LDHAL6B: variants seen among roughly 807,000 people sequenced by gnomAD.
LDHAL6B encodes the protein L-lactate dehydrogenase A-like 6B.
For missense variants in LDHAL6B, 523 were observed against 473.9 expected (o/e 1.10, Z -0.96); for synonymous variants, 205 against 170.6 (o/e 1.20, Z -1.57).
In LDHAL6B at chr15:59,207,253, G is replaced by A; in HGVS notation, c.313G>A (p.Asp105Asn). The A allele has an allele frequency of 6.2e-7, 1 of 1,614,202 alleles. No individual in the cohort carries two copies. The highest frequency in any genetic ancestry group is 2.2e-5 in the East Asian group (1 of 44,884). Residue 105 changes from aspartate to asparagine, a missense_variant, in exon 1 of 1, where the codon GAC (aspartate) becomes AAC (asparagine). Coordinates refer to ENST00000307144, the MANE Select transcript of LDHAL6B (RefSeq NM_033195.3). ...DELALVDLDE[D>N]KLKGETMDLQ... ...ACTTGCCCTTGTGGATCTTGATGAA[G>A]ACAAACTGAAGGGTGAGACGATGGA...
At position 59,208,541 on chromosome 15, in the gene LDHAL6B, T is replaced by A. The variant is rs2079855579; in HGVS notation, c.*455T>A. 1.9e-6 allele frequency: 2 copies of A among 1,068,840 alleles called. No homozygotes were observed. Among genetic ancestry groups the A allele is most frequent in the African/African-American group, 1.6e-5 (1 of 63,174 alleles). The allele number at this position is 1,068,840 out of a possible 1,614,324, so 66.2% of individuals were successfully genotyped here. On this transcript the variant is annotated 3_prime_UTR_variant, in exon 1 of 1. Coordinates refer to ENST00000307144, the MANE Select transcript of LDHAL6B (RefSeq NM_033195.3). ...TGCAGTAGTATATACAATCTTTTGT[T>A]TTGCTTCCTTTGATAGTTAATAAAT...
chr15:59,208,363 T>C lies in LDHAL6B; in HGVS notation c.*277T>C, dbSNP rs1226473750. On this transcript the variant is annotated 3_prime_UTR_variant, in exon 1 of 1. Transcript: ENST00000307144. The stretch of plus-strand genomic sequence containing the variant: ...CATTTGGTTCCCAAAAAGTAGGATG[T>C]AGGTATTTATTGTGTTCTAGAAATT... 5 of 555,344 alleles carry C rather than the reference T, an allele frequency of 9.0e-6. No homozygotes were observed. Among genetic ancestry groups the C allele is most frequent in the Non-Finnish European group, 1.6e-5 (5 of 308,832 alleles). 34.4% of individuals were successfully genotyped at this position (555,344 alleles called of 1,614,324 possible). A position where few individuals can be genotyped will look rare whatever the true frequency, so the allele number is the denominator to read the frequency against.
chr15:59,208,002 G>C lies in LDHAL6B; in HGVS notation c.1062G>C (p.Lys354Asn), dbSNP rs2079851576. ...AGAACGGTATTACCAACCTTATAAAGATAAAGCTGACCCCTGAAGAAGAGG... is the reference window on the plus strand; with the variant it reads ...AGAACGGTATTACCAACCTTATAAACATAAAGCTGACCCCTGAAGAAGAGG... ...LGENGITNLI[K>N]IKLTPEEEAH... The change falls in exon 1 of 1, where the codon AAG becomes AAC. Residue 354 changes from lysine to asparagine, a missense_variant. By Grantham distance (94) the Lys-to-Asn change is moderately conservative. Coordinates refer to ENST00000307144, the MANE Select transcript of LDHAL6B (RefSeq NM_033195.3). 6.2e-7 allele frequency: 1 copy of C among 1,612,572 alleles called. No individual in the cohort carries two copies. The highest frequency in any genetic ancestry group is 8.5e-7 in the Non-Finnish European group (1 of 1,179,678).
rs1344740473 is a variant in LDHAL6B at position 59,207,201 on chromosome 15, C to G, written c.261C>G (p.Ser87Arg). The stretch of plus-strand genomic sequence containing the variant: ...CGGTGGGCATGGCCTGCGCTATCAG[C>G]ATCTTATTAAAAGGCTTGAGTGATG... ...TGSVGMACAI[S>R]ILLKGLSDEL... The change falls in exon 1 of 1, where the codon AGC becomes AGG. Residue 87 changes from serine to arginine, a missense_variant. By Grantham distance (110) the Ser-to-Arg change is moderately radical. Coordinates refer to ENST00000307144, the MANE Select transcript of LDHAL6B (RefSeq NM_033195.3). 3.1e-6 allele frequency: 5 copies of G among 1,614,226 alleles called. No individual in the cohort carries two copies. The highest frequency in any genetic ancestry group is 3.3e-5 in the Admixed American group (2 of 60,030).
At position 59,208,415 on chromosome 15, in the gene LDHAL6B, A is replaced by G; in HGVS notation, c.*329A>G. 1.7e-6 allele frequency: 1 copy of G among 577,350 alleles called. No homozygotes were observed. Among genetic ancestry groups the G allele is most frequent in the Non-Finnish European group, 3.1e-6 (1 of 319,520 alleles). 35.8% of individuals were successfully genotyped at this position (577,350 alleles called of 1,614,324 possible). ...CGACTCTTTTCATTAGATATATGCT[A>G]TTTCTTTCATTCTTGCTGGTTTATA... On this transcript the variant is annotated 3_prime_UTR_variant, in exon 1 of 1. Coordinates refer to ENST00000307144, the MANE Select transcript of LDHAL6B (RefSeq NM_033195.3).
Position 59,206,931 on chromosome 15 carries a change from G to A in LDHAL6B, c.-10G>A. 1 of 1,605,264 alleles carries A rather than the reference G, an allele frequency of 6.2e-7. No homozygotes were observed. The highest frequency in any genetic ancestry group is 8.5e-7 in the Non-Finnish European group (1 of 1,174,396). ...TCCATTCTCTCTCTCCACTTCTTCAGTGAGCAGCCATGAGTTGGACTGTGC... is the reference window on the plus strand; with the variant it reads ...TCCATTCTCTCTCTCCACTTCTTCAATGAGCAGCCATGAGTTGGACTGTGC... On this transcript the variant is annotated 5_prime_UTR_variant, in exon 1 of 1. In the 5' UTR this introduces an upstream ATG that the reference lacks. Coordinates refer to ENST00000307144, the MANE Select transcript of LDHAL6B (RefSeq NM_033195.3).
chr15:59,208,490 TAA>T lies in LDHAL6B; in HGVS notation c.*408_*409del. On this transcript the variant is annotated 3_prime_UTR_variant, in exon 1 of 1. Coordinates refer to ENST00000307144, the MANE Select transcript of LDHAL6B (RefSeq NM_033195.3). ...AAAAGTAGTAGCTTCTTCTACAATG[TAA>T]AAATAAATGTACATACAAAAAAATG... 1 of 685,194 alleles carries T rather than the reference TAA, an allele frequency of 1.5e-6. No homozygotes were observed. The highest frequency in any genetic ancestry group is 2.8e-5 in the Admixed American group (1 of 36,218). The allele number at this position is 685,194 out of a possible 1,614,324, so 42.4% of individuals were successfully genotyped here.
In LDHAL6B at chr15:59,208,134, C is replaced by T. The variant is rs118077450; in HGVS notation, c.*48C>T. 1,775 of 1,485,966 alleles carry T rather than the reference C, an allele frequency of 1.2e-3. 10 individuals carry two copies. In the Middle Eastern group the frequency reaches 0.024, roughly 20 times the overall value. 92.0% of individuals were successfully genotyped at this position (1,485,966 alleles called of 1,614,324 possible). ...GAAATTATTGAAGAGATCATAGATA[C>T]AGGATTATATAACGAAATTTTGAAT... On this transcript the variant is annotated 3_prime_UTR_variant, in exon 1 of 1. Coordinates refer to ENST00000307144, the MANE Select transcript of LDHAL6B (RefSeq NM_033195.3).
chr15:59,207,254 A>G lies in LDHAL6B; in HGVS notation c.314A>G (p.Asp105Gly). 1 of 1,614,218 alleles carries G rather than the reference A, an allele frequency of 6.2e-7. No individual in the cohort carries two copies. The highest frequency in any genetic ancestry group is 8.5e-7 in the Non-Finnish European group (1 of 1,180,036). ...DELALVDLDE[D>G]KLKGETMDLQ... ...CTTGCCCTTGTGGATCTTGATGAAG[A>G]CAAACTGAAGGGTGAGACGATGGAT... The change falls in exon 1 of 1, where the codon GAC becomes GGC. Residue 105 changes from aspartate (D) to glycine (G), a missense_variant. Physicochemically the swap from Asp to Gly is moderately conservative, Grantham distance 94. Transcript: ENST00000307144.
Position 59,207,568 on chromosome 15 carries a change from A to T in LDHAL6B, c.628A>T (p.Ser210Cys). 2 of 1,614,126 alleles carry T rather than the reference A, an allele frequency of 1.2e-6. No individual in the cohort carries two copies. The highest frequency in any genetic ancestry group is 1.7e-6 in the Non-Finnish European group (2 of 1,179,996). ...ATTTCCCAAAAACCGTATTATTGGA[A>T]GCGGCTGTAATCTGGATACTGCTCG... is the stretch of plus-strand genomic sequence containing the variant. Reference protein sequence around the residue: ...SAFPKNRIIGSGCNLDTARFR... With the variant: ...SAFPKNRIIGCGCNLDTARFR... Residue 210 changes from serine (S) to cysteine (C), a missense_variant, in exon 1 of 1, where the codon AGC becomes TGC. Coordinates refer to ENST00000307144, the MANE Select transcript of LDHAL6B (RefSeq NM_033195.3).
chr15:59,208,013 C>A lies in LDHAL6B; in HGVS notation c.1073C>A (p.Thr358Asn), dbSNP rs2140338403. ...GITNLIKIKL[T>N]PEEEAHLKKS... Reference sequence around the variant, plus strand: ...ACCAACCTTATAAAGATAAAGCTGACCCCTGAAGAAGAGGCCCATCTGAAA... The same window carrying A: ...ACCAACCTTATAAAGATAAAGCTGAACCCTGAAGAAGAGGCCCATCTGAAA... The change falls in exon 1 of 1, where the codon ACC becomes AAC. Residue 358 changes from threonine to asparagine, a missense_variant. Physicochemically the swap from Thr to Asn is moderately conservative, Grantham distance 65. Transcript: ENST00000307144. 1.2e-6 allele frequency: 2 copies of A among 1,607,986 alleles called. No individual in the cohort carries two copies. Among genetic ancestry groups the A allele is most frequent in the East Asian group, 2.2e-5 (1 of 44,862 alleles).
At position 59,208,509 on chromosome 15, in the gene LDHAL6B, A is replaced by C; in HGVS notation, c.*423A>C. 1 of 752,016 alleles carries C rather than the reference A, an allele frequency of 1.3e-6. No homozygotes were observed. The highest frequency in any genetic ancestry group is 2.2e-6 in the Non-Finnish European group (1 of 453,034). The allele number at this position is 752,016 out of a possible 1,614,324, so 46.6% of individuals were successfully genotyped here. The stretch of plus-strand genomic sequence containing the variant: ...ACAATGTAAAAATAAATGTACATAC[A>C]AAAAAATGCAGTAGTATATACAATC... On this transcript the variant is annotated 3_prime_UTR_variant, in exon 1 of 1. Coordinates refer to ENST00000307144, the MANE Select transcript of LDHAL6B (RefSeq NM_033195.3).
In LDHAL6B at chr15:59,208,570, G is replaced by A. The variant is rs755630591; in HGVS notation, c.*484G>A. ...CTTCCTTTGATAGTTAATAAATTCC[G>A]TTTGTTGAATCAATAAAATACGGCG... On this transcript the variant is annotated 3_prime_UTR_variant, in exon 1 of 1. Coordinates refer to ENST00000307144, the MANE Select transcript of LDHAL6B (RefSeq NM_033195.3). 2.3e-5 allele frequency: 31 copies of A among 1,333,310 alleles called. No individual in the cohort carries two copies. The highest frequency in any genetic ancestry group is 1.2e-4 in the East Asian group (5 of 43,354). 82.6% of individuals were successfully genotyped at this position (1,333,310 alleles called of 1,614,324 possible).
At position 59,207,486 on chromosome 15, in the gene LDHAL6B, GATT is replaced by G. The variant is rs749578942; in HGVS notation, c.550_552del (p.Ile184del). ...TCCAGTACAGCCCCCACTGCAAACT[GATT>G]ATTGTTTCCAATCCAGTGGATATCT... On this transcript the variant is annotated inframe_deletion, in exon 1 of 1. Coordinates refer to ENST00000307144, the MANE Select transcript of LDHAL6B (RefSeq NM_033195.3). The G allele has an allele frequency of 3.1e-6, 5 of 1,613,928 alleles. No homozygotes were observed. The highest frequency in any genetic ancestry group is 1.7e-5 in the Admixed American group (1 of 60,002).
At position 59,208,445 on chromosome 15, in the gene LDHAL6B, T is replaced by C; in HGVS notation, c.*359T>C. The C allele has an allele frequency of 3.3e-6, 2 of 608,060 alleles. No homozygotes were observed. Among genetic ancestry groups the C allele is most frequent in the South Asian group, 2.0e-5 (1 of 48,952 alleles). The allele number at this position is 608,060 out of a possible 1,614,324, so 37.7% of individuals were successfully genotyped here. ...TTTCATTCTTGCTGGTTTATACCTA[T>C]GTTCATTTATATGCTGTAAAAAAGT... On this transcript the variant is annotated 3_prime_UTR_variant, in exon 1 of 1. Coordinates refer to ENST00000307144, the MANE Select transcript of LDHAL6B (RefSeq NM_033195.3).
rs141502214 is a variant in LDHAL6B, at chr15:59,207,842, T to G, written c.902T>G (p.Ile301Ser). Residue 301 changes from isoleucine (I) to serine (S), a missense_variant, in exon 1 of 1, where the codon ATT becomes AGT. Physicochemically the swap from Ile to Ser is moderately radical, Grantham distance 142. Coordinates refer to ENST00000307144, the MANE Select transcript of LDHAL6B (RefSeq NM_033195.3). Reference protein sequence around the residue: ...IKMKGYTSWAIGLSVADLTES... With the variant: ...IKMKGYTSWASGLSVADLTES... ...ATGAAAGGTTATACTTCTTGGGCCA[T>G]TGGCCTATCTGTGGCCGATTTAACA... is the stretch of plus-strand genomic sequence containing the variant. 1.9e-6 allele frequency: 3 copies of G among 1,614,108 alleles called. No homozygotes were observed. In the African/African-American group the frequency reaches 4.0e-5, roughly 22 times the overall value.
Position 59,206,982 on chromosome 15 carries a change from G to C in LDHAL6B, c.42G>C (p.Val14=). Residue 14 remains valine (V), a synonymous_variant, in exon 1 of 1, where the codon GTG becomes GTC. Transcript: ENST00000307144. ...CTGTTGTGCGGGCCAGCCAGAGAGTGAGCTCGGTGGGAGCGAATTTCCTAT... is the reference window on the plus strand; with the variant it reads ...CTGTTGTGCGGGCCAGCCAGAGAGTCAGCTCGGTGGGAGCGAATTTCCTAT... ...TVPVVRASQR[V]SSVGANFLCL... is the part of the protein sequence containing the mutation. The C allele has an allele frequency of 6.2e-7, 1 of 1,614,180 alleles. No individual in the cohort carries two copies. Among genetic ancestry groups the C allele is most frequent in the Non-Finnish European group, 8.5e-7 (1 of 1,180,016 alleles).
chr15:59,208,311 C>G lies in LDHAL6B; in HGVS notation c.*225C>G. 1 of 566,724 alleles carries G rather than the reference C, an allele frequency of 1.8e-6. No individual in the cohort carries two copies. The highest frequency in any genetic ancestry group is 3.1e-6 in the Non-Finnish European group (1 of 319,070). The allele number at this position is 566,724 out of a possible 1,614,324, so 35.1% of individuals were successfully genotyped here. A position where few individuals can be genotyped will look rare whatever the true frequency, so the allele number is the denominator to read the frequency against. ...TTTTGGTACCTCTGATGTAGCAGCA[C>G]TTGCCATGTTATATATATGTAGTTG... On this transcript the variant is annotated 3_prime_UTR_variant, in exon 1 of 1. Coordinates refer to ENST00000307144, the MANE Select transcript of LDHAL6B (RefSeq NM_033195.3).
the LDHAL6B span, chr15:59,207,034 C>T: frequency 1.2e-6 from 2 of 1,614,242 alleles, no homozygotes; most frequent in Non-Finnish European, 8.5e-7. Flanking sequence ...GTGTCCGCGT[C>T]AAGCAACGCG....
Sources: gnomAD v4.1 joint callset for allele counts on GRCh38, gnomAD v4.1.1 for gene constraint, MANE v1.5 for transcripts, NCBI Gene and HGNC (gene_info 2026-07-23, HGNC 2026-07-21) for gene names.